Variants in CACNA2D3 observed in about 807,000 individuals in gnomAD.
CACNA2D3 encodes voltage-dependent calcium channel subunit alpha-2/delta-3.
A neutral mutation model predicts 160.6 loss-of-function variants in CACNA2D3; 60 were observed. The observed-to-expected ratio is 0.37, with a 90% CI of 0.30 to 0.46. CACNA2D3 has a LOEUF of 0.46. Ranked by LOEUF, CACNA2D3 falls within the 20% of genes least tolerant of loss-of-function variation. The pLI, the probability that CACNA2D3 is intolerant of heterozygous loss-of-function variation, is 1.00. For missense variants in CACNA2D3, 1,205 were observed against 1,365.0 expected, an observed-to-expected ratio of 0.88 and a Z score of 1.85; for synonymous variants, 558 against 492.9, an observed-to-expected ratio of 1.13 and a Z score of -1.75.
At chr3:54,718,706 A>G (rs1285534040) in intron 11 of CACNA2D3, among the ~76,000 whole-genome samples, 1 of 152,062 alleles carries the variant, frequency 6.6e-6, no homozygotes, top group African/African-American at 2.4e-5. Flanking sequence ...ATTGATTTCT[A>G]CAAAATAATC....
intron 4 of CACNA2D3, among the ~76,000 whole-genome samples, chr3:54,485,055 C>A (rs1016764672): frequency 3.3e-5 from 5 of 152,050 alleles, no homozygotes; most frequent in African/African-American, 4.8e-5. Flanking sequence ...TCGTGTTGGC[C>A]AGGCTGGTCT....
intron 11 of CACNA2D3, among the ~76,000 whole-genome samples, chr3:54,684,209 C>T (rs1013060749): frequency 6.6e-6 from 1 of 152,092 alleles, no homozygotes. Flanking sequence ...ATCTGCCCGT[C>T]TTGGCCTCCC....
chr3:54,789,979 G>C, intron 13 of CACNA2D3: 1 of 406,294 alleles, frequency 2.5e-6, no homozygotes, highest in Non-Finnish European at 5.0e-6. Flanking sequence ...ATTCGAGAAA[G>C]AGTCAAATAA....
intron 35 of CACNA2D3, among the ~76,000 whole-genome samples, chr3:55,061,197 G>T (rs1211744412): frequency 2.6e-5 from 4 of 152,214 alleles, no homozygotes; most frequent in Non-Finnish European, 4.4e-5. Flanking sequence ...ATGCCTTAAT[G>T]TGTCTATTGT....
intron 9 of CACNA2D3, among the ~76,000 whole-genome samples, chr3:54,624,611 A>G (rs1488095862): frequency 6.6e-6 from 1 of 152,218 alleles, no homozygotes; most frequent in East Asian, 1.9e-4. Flanking sequence ...CGACAGAGCG[A>G]GACTACTCCG....
At chr3:54,723,157 G>C (rs1261559060) in intron 11 of CACNA2D3, among the ~76,000 whole-genome samples, 2 of 152,218 alleles carry the variant, frequency 1.3e-5, no homozygotes, top group Non-Finnish European at 2.9e-5. Context: ...GCTACACCTA[G>C]TTCAAACTTC....
At chr3:54,426,440 C>T (rs1356501717) in intron 4 of CACNA2D3, among the ~76,000 whole-genome samples, 2 of 152,120 alleles carry the variant, frequency 1.3e-5, no homozygotes, top group Admixed American at 1.3e-4. Context: ...TTACACAGTG[C>T]TTTTGTTTCT....
intron 2 of CACNA2D3, among the ~76,000 whole-genome samples, chr3:54,285,765 G>T (rs900815968): frequency 5.9e-5 from 9 of 152,172 alleles, no homozygotes; most frequent in African/African-American, 2.2e-4. Context: ...AGCATTTGCG[G>T]TTCACCAAAA....
chr3:54,318,384 G>GC (rs1703915798), intron 2 of CACNA2D3, among the ~76,000 whole-genome samples: 2 of 152,298 alleles, frequency 1.3e-5, no homozygotes, highest in South Asian at 4.2e-4. Flanking sequence ...TTTTCAGGGA[G>GC]CGGGGGGAAA....
chr3:54,487,370 A>AG (rs1701030927), intron 4 of CACNA2D3, among the ~76,000 whole-genome samples: 1 of 152,140 alleles, frequency 6.6e-6, no homozygotes, highest in South Asian at 2.1e-4. Context: ...CCTGTATCAA[A>AG]GGGGGAAAAA....
At chr3:54,365,932 A>G (rs985947101) in intron 3 of CACNA2D3, among the ~76,000 whole-genome samples, 2 of 152,178 alleles carry the variant, frequency 1.3e-5, no homozygotes, top group Admixed American at 1.3e-4. Flanking sequence ...GGGATGTACC[A>G]TGGAAAGATG....
At chr3:54,462,946 C>G (rs1258416901) in intron 4 of CACNA2D3, among the ~76,000 whole-genome samples, 1 of 150,268 alleles carries the variant, frequency 6.7e-6, no homozygotes, top group Admixed American at 6.7e-5. Flanking sequence ...GTGCTTCCTT[C>G]AGGAGCTCTT....
chr3:54,269,806 T>G (rs1702585466), intron 2 of CACNA2D3, among the ~76,000 whole-genome samples: 1 of 152,240 alleles, frequency 6.6e-6, no homozygotes, highest in Admixed American at 6.5e-5. Flanking sequence ...AATCACTTGT[T>G]TTTTGTTGTT....
At chr3:54,891,539 A>G in intron 25 of CACNA2D3, 89 bp downstream of exon 25, 3 of 1,020,286 alleles carry the variant, frequency 2.9e-6, no homozygotes, top group East Asian at 2.5e-5. Flanking sequence ...TGATTCCACT[A>G]CTGGTAGAAA....
chr3:54,961,658 T>G (rs1318602079), intron 27 of CACNA2D3, among the ~76,000 whole-genome samples: 4 of 152,138 alleles, frequency 2.6e-5, no homozygotes, highest in Non-Finnish European at 5.9e-5. Context: ...GCAGGTGGCC[T>G]GATTGATGTG....
chr3:54,215,483 C>T (rs1463824668), intron 2 of CACNA2D3, among the ~76,000 whole-genome samples: 1 of 152,176 alleles, frequency 6.6e-6, no homozygotes, highest in Non-Finnish European at 1.5e-5. Context: ...GTATCAGTCC[C>T]CCCATTGCCT....
intron 8 of CACNA2D3, among the ~76,000 whole-genome samples, chr3:54,574,076 G>T (rs1209886916): frequency 6.6e-6 from 1 of 152,062 alleles, no homozygotes; most frequent in African/African-American, 2.4e-5. Flanking sequence ...GTTATCATCG[G>T]CTGGATTCCA....
chr3:54,127,758 T>C (rs1339200689), intron 2 of CACNA2D3, among the ~76,000 whole-genome samples: 1 of 152,200 alleles, frequency 6.6e-6, no homozygotes, highest in African/African-American at 2.4e-5. Context: ...CAGGGCAGTT[T>C]ATTGGTCTCA....
chr3:54,231,304 T>C (rs1223609888), intron 2 of CACNA2D3, among the ~76,000 whole-genome samples: 1 of 152,196 alleles, frequency 6.6e-6, no homozygotes, highest in African/African-American at 2.4e-5. Flanking sequence ...AAAGCCTGCC[T>C]TCTGGTCCTC....
Sources: gnomAD v4.1 joint callset for allele counts (sites outside exome capture counted in the v4.1 genomes callset) on GRCh38, gnomAD v4.1.1 for gene constraint, MANE v1.5 for transcripts, NCBI Gene and HGNC (gene_info 2026-07-23, HGNC 2026-07-21) for gene names.